The following PKHD1 variants were observed in gnomAD, a reference collection of about 807,000 sequenced individuals.
PKHD1 encodes the protein fibrocystin.
In PKHD1, 291 loss-of-function variants were observed where a neutral mutation model predicts 412.0. The ratio of observed to expected loss-of-function variants is 0.71; its 90% confidence interval spans 0.64 to 0.78. The LOEUF is 0.78. PKHD1 is among the 30% of genes least tolerant of loss of function. The pLI is 0.00. For missense variants in PKHD1, 4,825 were observed against 4,950.7 expected (o/e 0.97, Z 0.76); for synonymous variants, 1,777 against 1,821.5 (o/e 0.98, Z 0.62).
At chr6:51,857,995 A>G (rs984331363) in intron 48 of PKHD1, among the ~76,000 whole-genome samples, 1 of 152,162 alleles carries the variant, frequency 6.6e-6, no homozygotes, top group Admixed American at 6.5e-5. Context: ...TTTGGGTTTT[A>G]GATACTTAGG....
chr6:51,642,506 G>A (rs2150343548), intron 63 of PKHD1, among the ~76,000 whole-genome samples: 1 of 152,208 alleles, frequency 6.6e-6, no homozygotes, highest in East Asian at 1.9e-4. Context: ...GTAAGGTATT[G>A]GACATGGTAA....
rs550184077 is a variant in PKHD1, at chr6:52,066,030, T to A, written c.826A>T (p.Asn276Tyr). 3 of 1,605,884 alleles carry A rather than the reference T, an allele frequency of 1.9e-6. No homozygotes were observed. In the African/African-American group the frequency reaches 4.0e-5, roughly 21 times the overall value. ...AAAAAGTCTCCTGTAATTGTGATGTTTGTTCTTCCCCCAAGGCTCCCAGTT... is the reference window on the plus strand; with the variant it reads ...AAAAAGTCTCCTGTAATTGTGATGTATGTTCTTCCCCCAAGGCTCCCAGTT... ...PETGSLGGRT[N>Y]ITITGDFFDN... The change falls in exon 12 of 67, where the codon AAC (asparagine) becomes TAC (tyrosine). Residue 276 changes from asparagine (N) to tyrosine (Y), a missense_variant. By Grantham distance (143) the Asn-to-Tyr change is moderately radical. Coordinates refer to ENST00000371117, the MANE Select transcript of PKHD1 (RefSeq NM_138694.4).
intron 63 of PKHD1, among the ~76,000 whole-genome samples, chr6:51,639,568 C>A (rs1271258829): frequency 6.6e-6 from 1 of 151,552 alleles, no homozygotes; most frequent in Non-Finnish European, 1.5e-5. Flanking sequence ...GCCTTGGCTT[C>A]CCTAACTAAA....
intron 55 of PKHD1, among the ~76,000 whole-genome samples, chr6:51,764,033 C>T (rs1307894689): frequency 1.0e-4 from 15 of 150,192 alleles, no homozygotes; most frequent in South Asian, 2.1e-4. Context: ...ATGTGCCATG[C>T]TGGTGCGCTG....
intron 46 of PKHD1, among the ~76,000 whole-genome samples, chr6:51,881,482 A>C (rs4715252): frequency 0.4 from 60,543 of 151,966 alleles, 13,338 homozygotes; most frequent in East Asian, 0.86. Flanking sequence ...TAAACAGCAC[A>C]GTATAAATAT....
At position 52,050,382 on chromosome 6, in the gene PKHD1, T is replaced by G. The variant is rs183755619; in HGVS notation, c.2141-87A>C. The G allele has an allele frequency of 7.9e-4, 1,038 of 1,308,380 alleles. 3 individuals are homozygous for G. The highest frequency in any genetic ancestry group is 1.3e-3 in the Middle Eastern group (7 of 5,532). The allele number at this position is 1,308,380 out of a possible 1,614,324, so 81.0% of individuals were successfully genotyped here. A position where few individuals can be genotyped will look rare whatever the true frequency, so the allele number is the denominator to read the frequency against. ...AATCCCAGTTGGAAATGTGAGTTAC[T>G]CAGATCTCAGTACACACCTAAAGCA... On this transcript the variant is annotated intron_variant, in intron 21 of 66. Coordinates refer to ENST00000371117, the MANE Select transcript of PKHD1 (RefSeq NM_138694.4).
chr6:52,050,002 C>A (rs919319777), intron 22 of PKHD1, among the ~76,000 whole-genome samples, 155 bp downstream of exon 22: 3 of 152,238 alleles, frequency 2.0e-5, no homozygotes, highest in African/African-American at 7.2e-5. Context: ...TTTAACAATA[C>A]TTCCAGGTGA....
At chr6:51,635,031 A>T (rs750170935) in intron 64 of PKHD1, among the ~76,000 whole-genome samples, 4 of 152,098 alleles carry the variant, frequency 2.6e-5, no homozygotes, top group Admixed American at 6.5e-5. Context: ...GGCTCATATG[A>T]TCCTCCTGCT....
In PKHD1 at chr6:52,010,339, C is replaced by G. The variant is rs763511509; in HGVS notation, c.5721G>C (p.Glu1907Asp). The change falls in exon 35 of 67, where the codon GAG becomes GAC. Residue 1907 changes from glutamate to aspartate, a missense_variant. Physicochemically the swap from Glu to Asp is conservative, Grantham distance 45 (BLOSUM62 2). Transcript: ENST00000371117. ...PNQPITVKIT[E>D]IRKRWGQNTQ... ...TGTTCTGGCCCCAGCGTTTCCGTAT[C>G]TCAGTAATCTTGACGGTAATTGGCT... 9 of 1,613,806 alleles carry G rather than the reference C, an allele frequency of 5.6e-6. No homozygotes were observed. In the South Asian group the frequency reaches 9.9e-5, roughly 18 times the overall value.
chr6:51,633,264 C>G (rs1768142702), intron 64 of PKHD1, among the ~76,000 whole-genome samples: 1 of 152,094 alleles, frequency 6.6e-6, no homozygotes, highest in South Asian at 2.1e-4. Context: ...AAGATAGCAT[C>G]CTGTTGAGAG....
At chr6:51,906,077 G>A (rs1562587172) in intron 41 of PKHD1, 138 bp downstream of exon 41, 1 of 726,952 alleles carries the variant, frequency 1.4e-6, no homozygotes, top group Non-Finnish European at 2.4e-6. Flanking sequence ...AATTTAGAAT[G>A]TTTTACTGTA....
intron 53 of PKHD1, among the ~76,000 whole-genome samples, chr6:51,782,145 A>G (rs1226587990): frequency 6.6e-6 from 1 of 152,034 alleles, no homozygotes; most frequent in African/African-American, 2.4e-5. Context: ...TTTAAGAAAG[A>G]CTGATTTAAA....
At chr6:51,665,038 G>A (rs1773505351) in intron 60 of PKHD1, among the ~76,000 whole-genome samples, 1 of 151,850 alleles carries the variant, frequency 6.6e-6, no homozygotes. Flanking sequence ...TTCAAGATAA[G>A]AATAAAGAAT....
intron 36 of PKHD1, among the ~76,000 whole-genome samples, chr6:51,942,029 T>A (rs1279550471): frequency 6.6e-6 from 1 of 151,626 alleles, no homozygotes; most frequent in East Asian, 1.9e-4. Flanking sequence ...ACAACTCCTT[T>A]CCTTCCTAGG....
chr6:51,919,778 A>G (rs1389739073), intron 37 of PKHD1, among the ~76,000 whole-genome samples: 1 of 152,172 alleles, frequency 6.6e-6, no homozygotes, highest in East Asian at 1.9e-4. Flanking sequence ...ATGTTCTTCC[A>G]TTTGTTTGTG....
chr6:51,837,909 T>A (rs1406479455), intron 50 of PKHD1, among the ~76,000 whole-genome samples: 1 of 152,154 alleles, frequency 6.6e-6, no homozygotes, highest in South Asian at 2.1e-4. Context: ...TGAGACCTGG[T>A]ACAATGACAA....
At chr6:51,747,263 G>A (rs189578434) in intron 58 of PKHD1, among the ~76,000 whole-genome samples, 79 of 152,266 alleles carry the variant, frequency 5.2e-4, no homozygotes, top group African/African-American at 1.6e-3. Flanking sequence ...TGCACCAGTC[G>A]TGTCACAACT....
At chr6:51,998,990 G>A (rs1483855572) in intron 35 of PKHD1, among the ~76,000 whole-genome samples, 1 of 152,136 alleles carries the variant, frequency 6.6e-6, no homozygotes, top group Non-Finnish European at 1.5e-5. Flanking sequence ...GGGACTAGAA[G>A]AGGTGTTGCC....
At position 52,031,898 on chromosome 6, in the gene PKHD1, G is replaced by A. The variant is rs1026013715; in HGVS notation, c.3364+1132C>T. 4.6e-5 allele frequency among the ~76,000 whole-genome samples: 7 copies of A among 152,168 alleles called. 1 individual carries two copies. The highest frequency in any genetic ancestry group is 4.6e-4 in the Admixed American group (7 of 15,282). On this transcript the variant is annotated intron_variant, in intron 29 of 66. Transcript: ENST00000371117. ...AACAACATAACTTTTGGAGCACTTG[G>A]TCAACTGTCAAGCTAATCCTAGATG...
Sources: gnomAD v4.1 joint callset for allele counts (sites outside exome capture counted in the v4.1 genomes callset) on GRCh38, gnomAD v4.1.1 for gene constraint, MANE v1.5 for transcripts, NCBI Gene and HGNC (gene_info 2026-07-23, HGNC 2026-07-21) for gene names.